The following SLX4IP variants were observed in gnomAD, a reference collection of about 807,000 sequenced individuals.
SLX4IP encodes the protein SLX4 interacting protein, also known as protein SLX4IP.
Under a neutral mutation model 32.9 loss-of-function variants are expected in SLX4IP, and 34 were observed. That is an observed-to-expected ratio of 1.03 (90% CI 0.79 to 1.38). The LOEUF is 1.38. Ranked by LOEUF, SLX4IP falls within the 40% of genes most tolerant of loss-of-function variation. The pLI is 0.00. For missense variants in SLX4IP, 444 were observed against 479.0 expected, an observed-to-expected ratio of 0.93 and a Z score of 0.68; for synonymous variants, 172 against 171.7, an observed-to-expected ratio of 1.00 and a Z score of -0.01.
chr20:10,555,985 G>C (rs1182024486), intron 2 of SLX4IP, among the ~76,000 whole-genome samples: 1 of 152,198 alleles, frequency 6.6e-6, no homozygotes, highest in Non-Finnish European at 1.5e-5. Flanking sequence ...CCCAGAGACA[G>C]ATATTTTGTC....
At chr20:10,563,029 A>G (rs371640531) in intron 4 of SLX4IP, among the ~76,000 whole-genome samples, 1 of 152,230 alleles carries the variant, frequency 6.6e-6, no homozygotes, top group East Asian at 1.9e-4. Flanking sequence ...AATTCCCGTG[A>G]ATCATGTATA....
intron 2 of SLX4IP, among the ~76,000 whole-genome samples, chr20:10,495,796 C>T (rs1366141610): frequency 6.6e-6 from 1 of 151,996 alleles, no homozygotes; most frequent in Non-Finnish European, 1.5e-5. Context: ...CATTTCTTCA[C>T]CTGTTTTTCT....
At chr20:10,604,399 C>CTTTTTTTTTTTT (rs1423858409) in intron 6 of SLX4IP, among the ~76,000 whole-genome samples, 2,993 of 150,570 alleles carry the variant, frequency 0.02, 73 homozygotes, top group Admixed American at 0.073. Context: ...TTTCCTTCAT[C>CTTTTTTTTTTTT]TTTTTTTTTG....
At chr20:10,474,600 A>G (rs904285705) in intron 2 of SLX4IP, among the ~76,000 whole-genome samples, 7 of 152,034 alleles carry the variant, frequency 4.6e-5, no homozygotes, top group Admixed American at 3.3e-4. Context: ...TCAAATAAGG[A>G]TCATGGTTAA....
At chr20:10,570,450 A>G (rs2066448758) in intron 4 of SLX4IP, among the ~76,000 whole-genome samples, 1 of 152,138 alleles carries the variant, frequency 6.6e-6, no homozygotes, top group Non-Finnish European at 1.5e-5. Context: ...TGTCACACAG[A>G]TCGGCATGCA....
chr20:10,600,220 T>C (rs1254245845), intron 5 of SLX4IP, among the ~76,000 whole-genome samples: 1 of 152,160 alleles, frequency 6.6e-6, no homozygotes, highest in Non-Finnish European at 1.5e-5. Flanking sequence ...CCACCTCTAG[T>C]CACCTAGCCA....
At chr20:10,591,603 G>A (rs2122537956) in intron 4 of SLX4IP, among the ~76,000 whole-genome samples, 1 of 152,314 alleles carries the variant, frequency 6.6e-6, no homozygotes, top group African/African-American at 2.4e-5. Context: ...ATTTAAAGAT[G>A]AGTGAAGGGT....
At chr20:10,470,293 C>G (rs1414992628) in intron 2 of SLX4IP, among the ~76,000 whole-genome samples, 2 of 152,188 alleles carry the variant, frequency 1.3e-5, no homozygotes, top group Non-Finnish European at 2.9e-5. Context: ...TTGAGAGTGT[C>G]CTTGCAATTT....
At chr20:10,479,502 A>G (rs969737056) in intron 2 of SLX4IP, among the ~76,000 whole-genome samples, 8 of 151,236 alleles carry the variant, frequency 5.3e-5, no homozygotes, top group African/African-American at 1.9e-4. Flanking sequence ...ACAGGCGTGC[A>G]CCACCACGCT....
intron 2 of SLX4IP, among the ~76,000 whole-genome samples, chr20:10,547,110 CTG>C (rs2066169993): frequency 6.6e-6 from 1 of 152,226 alleles, no homozygotes; most frequent in Non-Finnish European, 1.5e-5. Context: ...CCCAGGGAGA[CTG>C]TGAGCCACCC....
At chr20:10,599,656 T>G (rs2066818641) in intron 5 of SLX4IP, among the ~76,000 whole-genome samples, 2 of 151,890 alleles carry the variant, frequency 1.3e-5, no homozygotes, top group South Asian at 4.2e-4. Context: ...CTTGGCCTCC[T>G]AAGGTGCTGG....
intron 6 of SLX4IP, among the ~76,000 whole-genome samples, chr20:10,602,152 A>G (rs1175312244): frequency 6.6e-6 from 1 of 152,210 alleles, no homozygotes; most frequent in Non-Finnish European, 1.5e-5. Context: ...CAAAATCCAC[A>G]TGTTTCCACT....
At chr20:10,565,641 G>A (rs1260092932) in intron 4 of SLX4IP, among the ~76,000 whole-genome samples, 3 of 152,226 alleles carry the variant, frequency 2.0e-5, no homozygotes, top group Non-Finnish European at 4.4e-5. Flanking sequence ...ATAAAATGTG[G>A]AAAGTCATCA....
At chr20:10,564,199 C>T (rs2066364042) in intron 4 of SLX4IP, among the ~76,000 whole-genome samples, 1 of 152,136 alleles carries the variant, frequency 6.6e-6, no homozygotes, top group Non-Finnish European at 1.5e-5. Context: ...CATGCTTTTA[C>T]TTTGTCATCA....
rs146049663 is a variant in SLX4IP at position 10,447,021 on chromosome 20, G to A, written c.-29-11155G>A. On this transcript the variant is annotated intron_variant, in intron 1 of 7. Coordinates refer to ENST00000334534, the MANE Select transcript of SLX4IP (RefSeq NM_001009608.3). ...TTTTGAGTTCATAAAAATATCCTCT[G>A]AAAGGTTTTAGTTTCACACCTTTGA... is the stretch of plus-strand genomic sequence containing the variant. Among the ~76,000 whole-genome samples, 45 of 152,224 alleles carry A rather than the reference G, an allele frequency of 3.0e-4. 1 individual carries two copies. In the East Asian group the frequency reaches 8.3e-3, roughly 28 times the overall value.
chr20:10,605,785 G>T (rs2066899488), intron 6 of SLX4IP, among the ~76,000 whole-genome samples: 1 of 152,206 alleles, frequency 6.6e-6, no homozygotes, highest in Non-Finnish European at 1.5e-5. Flanking sequence ...CATCATCTAA[G>T]TAGAAGGATT....
intron 2 of SLX4IP, among the ~76,000 whole-genome samples, chr20:10,535,620 C>G (rs1007751913): frequency 2.6e-5 from 4 of 152,100 alleles, no homozygotes; most frequent in African/African-American, 9.7e-5. Flanking sequence ...TGCGCCCGGC[C>G]CAAGAACATG....
chr20:10,617,652 C>CTTTTTTTTTTTTTTT (rs549525000), intron 6 of SLX4IP, among the ~76,000 whole-genome samples: 16 of 112,740 alleles, frequency 1.4e-4, no homozygotes, highest in East Asian at 4.9e-4. Context: ...TTCTTTCTTT[C>CTTTTTTTTTTTTTTT]TTTTTTTTTT....
intron 2 of SLX4IP, among the ~76,000 whole-genome samples, chr20:10,482,767 G>A (rs2122383548): frequency 6.6e-6 from 1 of 152,300 alleles, no homozygotes; most frequent in South Asian, 2.1e-4. Context: ...CCTTTTAGAA[G>A]TGTTCTAAAA....
Sources: gnomAD v4.1 joint callset for allele counts (sites outside exome capture counted in the v4.1 genomes callset) on GRCh38, gnomAD v4.1.1 for gene constraint, MANE v1.5 for transcripts, NCBI Gene and HGNC (gene_info 2026-07-23, HGNC 2026-07-21) for gene names.